Variants in BCAR3 observed in about 807,000 individuals in gnomAD.
BCAR3 encodes the protein BCAR3 adaptor protein, NSP family member, also known as breast cancer anti-estrogen resistance protein 3.
Under a neutral mutation model 80.1 loss-of-function variants are expected in BCAR3, and 37 were observed. The observed-to-expected ratio is 0.46, with a 90% CI of 0.36 to 0.61. The LOEUF (loss-of-function observed/expected upper bound fraction) is 0.61. Among genes scored for constraint, BCAR3 ranks in the 20% least tolerant of loss-of-function variants. BCAR3 has a pLI of 0.00. For missense variants in BCAR3, 978 were observed against 1,068.2 expected (o/e 0.92, Z 1.18); for synonymous variants, 389 against 418.9 (o/e 0.93, Z 0.87).
chr1:93,581,358 G>C (rs906691995), intron 7 of BCAR3, among the ~76,000 whole-genome samples: 1 of 151,948 alleles, frequency 6.6e-6, no homozygotes, highest in Non-Finnish European at 1.5e-5. Context: ...TGACAATGGT[G>C]ATCTCCAGGA....
At chr1:93,621,301 A>T (rs1246024362) in intron 3 of BCAR3, among the ~76,000 whole-genome samples, 1 of 152,234 alleles carries the variant, frequency 6.6e-6, no homozygotes, top group Non-Finnish European at 1.5e-5. Context: ...TGTGAGAATC[A>T]GTCCAGATGA....
chr1:93,754,557 A>C (rs1337339380), intron 2 of BCAR3, among the ~76,000 whole-genome samples: 8 of 152,320 alleles, frequency 5.3e-5, no homozygotes, highest in Non-Finnish European at 1.0e-4. Context: ...AAATATATAC[A>C]GTCAATGATG....
chr1:93,692,877 T>C (rs1369974280), intron 3 of BCAR3, among the ~76,000 whole-genome samples: 2 of 152,094 alleles, frequency 1.3e-5, no homozygotes, highest in Admixed American at 1.3e-4. Context: ...ATATTTGAGA[T>C]TTGGACTTTT....
In BCAR3 at chr1:93,567,230, T is replaced by A. The variant is rs1043815744; in HGVS notation, c.2299+49A>T. The A allele has an allele frequency of 8.2e-6, 13 of 1,588,388 alleles. No homozygotes were observed. The Admixed American group carries it at 1.7e-4, about 21-fold the overall frequency. On this transcript the variant is annotated intron_variant, in intron 11 of 11. Transcript: ENST00000260502. ...AGCCATGCTCTTCCATTCCTTCATT[T>A]CAATTACGATACAGTGTTAGAGAAC...
intron 2 of BCAR3, among the ~76,000 whole-genome samples, chr1:93,665,573 G>C (rs142657965): frequency 6.6e-6 from 1 of 152,214 alleles, no homozygotes. Flanking sequence ...TAGAGCTCTA[G>C]ATCTCTCCTT....
In BCAR3 at chr1:93,562,166, C is replaced by G. The variant is rs1672700408; in HGVS notation, c.*75G>C. The G allele has an allele frequency of 3.4e-6, 5 of 1,471,946 alleles. No individual in the cohort carries two copies. The highest frequency in any genetic ancestry group is 4.6e-6 in the Non-Finnish European group (5 of 1,086,038). 91.2% of individuals were successfully genotyped at this position (1,471,946 alleles called of 1,614,324 possible). Reference sequence around the variant, plus strand: ...TCAGATTTGCACATTATTACTTTATCAAAAACAGTAAGCTTTCCCAAAGAT... The same window carrying G: ...TCAGATTTGCACATTATTACTTTATGAAAAACAGTAAGCTTTCCCAAAGAT... On this transcript the variant is annotated 3_prime_UTR_variant, in exon 12 of 12. Coordinates refer to ENST00000260502, the MANE Select transcript of BCAR3 (RefSeq NM_003567.4).
intron 2 of BCAR3, among the ~76,000 whole-genome samples, chr1:93,798,163 T>C (rs1452201930): frequency 6.6e-6 from 1 of 152,196 alleles, no homozygotes; most frequent in Non-Finnish European, 1.5e-5. Flanking sequence ...AGGAAATTGA[T>C]ATCCCAAAGG....
intron 3 of BCAR3, among the ~76,000 whole-genome samples, chr1:93,636,018 A>G (rs1416603606): frequency 3.9e-5 from 6 of 152,176 alleles, no homozygotes. Context: ...TATTCTTGGC[A>G]TTGGAATTTG....
At chr1:93,679,300 T>C (rs1648639514) in intron 1 of BCAR3, among the ~76,000 whole-genome samples, 2 of 152,182 alleles carry the variant, frequency 1.3e-5, no homozygotes, top group South Asian at 4.1e-4. Flanking sequence ...TCACTGTATC[T>C]CTGTTATACT....
chr1:93,715,131 T>C (rs1473295616), intron 2 of BCAR3, among the ~76,000 whole-genome samples: 1 of 152,212 alleles, frequency 6.6e-6, no homozygotes, highest in Non-Finnish European at 1.5e-5. Context: ...TGGAATAAAA[T>C]TACAAACCAG....
chr1:93,819,116 G>T (rs1304040984), intron 2 of BCAR3, among the ~76,000 whole-genome samples: 3 of 151,736 alleles, frequency 2.0e-5, no homozygotes, highest in Middle Eastern at 3.4e-3. Context: ...TGCCGGGCTA[G>T]AGTGCAGTGG....
intron 2 of BCAR3, among the ~76,000 whole-genome samples, chr1:93,832,473 T>C (rs1265503108): frequency 6.6e-6 from 1 of 152,200 alleles, no homozygotes; most frequent in Non-Finnish European, 1.5e-5. Context: ...CCTGGAACTC[T>C]GGCCCAAGGC....
intron 3 of BCAR3, among the ~76,000 whole-genome samples, chr1:93,633,357 C>G (rs1772781): frequency 0.08 from 12,216 of 152,200 alleles, 653 homozygotes; most frequent in African/African-American, 0.15. Context: ...AAGCCCTTCA[C>G]CATGTGGCCT....
intron 2 of BCAR3, among the ~76,000 whole-genome samples, chr1:93,779,109 T>C (rs1446015224): frequency 6.6e-6 from 1 of 152,196 alleles, no homozygotes; most frequent in Non-Finnish European, 1.5e-5. Flanking sequence ...TCAGAGTTTA[T>C]TGTCTAAAAC....
At chr1:93,823,988 G>A (rs568967825) in intron 2 of BCAR3, among the ~76,000 whole-genome samples, 1 of 133,978 alleles carries the variant, frequency 7.5e-6, no homozygotes, top group African/African-American at 2.5e-5. Context: ...ATGAGCCACC[G>A]CGCCTGGCCG....
intron 3 of BCAR3, among the ~76,000 whole-genome samples, chr1:93,633,423 C>T (rs1311212212): frequency 6.6e-6 from 1 of 152,176 alleles, no homozygotes; most frequent in African/African-American, 2.4e-5. Flanking sequence ...ACACTTTCTT[C>T]CCACCTGGTC....
intron 2 of BCAR3, among the ~76,000 whole-genome samples, chr1:93,779,909 G>C (rs1652709970): frequency 6.6e-6 from 1 of 152,114 alleles, no homozygotes; most frequent in African/African-American, 2.4e-5. Context: ...TTTGGGACCA[G>C]CTAATCCTAG....
intron 3 of BCAR3, among the ~76,000 whole-genome samples, chr1:93,694,081 A>T (rs1424408582): frequency 6.6e-6 from 1 of 152,232 alleles, no homozygotes; most frequent in East Asian, 1.9e-4. Flanking sequence ...GTATCAGAGG[A>T]TGAGAATACA....
At chr1:93,566,867 A>G (rs565021674) in intron 11 of BCAR3, among the ~76,000 whole-genome samples, 12 of 152,278 alleles carry the variant, frequency 7.9e-5, no homozygotes, top group Non-Finnish European at 1.6e-4. Context: ...AGCTGGGATC[A>G]CAGGCACACA....
Sources: allele counts gnomAD v4.1 joint callset (sites outside exome capture counted in the v4.1 genomes callset), GRCh38; gene constraint gnomAD v4.1.1; transcripts MANE v1.5; gene names NCBI Gene and HGNC (gene_info 2026-07-23, HGNC 2026-07-21).